SNX14: variants seen among roughly 807,000 people sequenced by gnomAD.
SNX14 encodes sorting nexin 14, also known as sorting nexin-14.
Under a neutral mutation model 133.8 loss-of-function variants are expected in SNX14, and 93 were observed. The observed-to-expected ratio is 0.70, with a 90% CI of 0.59 to 0.83. SNX14 has a LOEUF of 0.83. SNX14 is among the 40% of genes least tolerant of loss of function. The pLI is 0.00. For synonymous variants in SNX14, 368 were observed against 365.6 expected (o/e 1.01, Z -0.07); for missense variants, 945 against 1,094.9 (o/e 0.86, Z 1.93).
rs373405415 is a variant in SNX14, at chr6:85,515,897, A to G, written c.2269-1268T>C. On this transcript the variant is annotated intron_variant, in intron 23 of 28. Coordinates refer to ENST00000314673, the MANE Select transcript of SNX14 (RefSeq NM_153816.6). Reference sequence around the variant, plus strand: ...TTTTTAAGCAGAAATCTAAAATAAAAGTTGAAATAATAAAGAGATATACAG... The same window carrying G: ...TTTTTAAGCAGAAATCTAAAATAAAGGTTGAAATAATAAAGAGATATACAG... Among the ~76,000 whole-genome samples, 4 of 152,326 alleles carry G rather than the reference A, an allele frequency of 2.6e-5. No homozygotes were observed. In the South Asian group the frequency reaches 8.3e-4, roughly 32 times the overall value.
At chr6:85,585,328 T>A (rs1278217935) in intron 1 of SNX14, among the ~76,000 whole-genome samples, 1 of 151,960 alleles carries the variant, frequency 6.6e-6, no homozygotes, top group African/African-American at 2.4e-5. Context: ...GGCACATGTA[T>A]ACCTATGTAA....
At chr6:85,567,684 C>T in intron 4 of SNX14, 107 bp from the exon 5 acceptor site, 1 of 678,328 alleles carries the variant, frequency 1.5e-6, no homozygotes, top group Non-Finnish European at 2.3e-6. Flanking sequence ...ATTTTATTAT[C>T]ACAAATAGTG....
In SNX14 at chr6:85,547,523, A is replaced by C. The variant is rs1348756737; in HGVS notation, c.895T>G (p.Phe299Val). The C allele has an allele frequency of 6.2e-7, 1 of 1,603,242 alleles. No homozygotes were observed. The highest frequency in any genetic ancestry group is 8.5e-7 in the Non-Finnish European group (1 of 1,176,720). The change falls in exon 10 of 29, where the codon TTC (phenylalanine) becomes GTC (valine). Residue 299 changes from phenylalanine to valine, a missense_variant. By Grantham distance (50) the Phe-to-Val change is conservative. Around this residue, in one of 3 missense-constraint regions of SNX14, gnomAD observed 514 missense variants for 538.8 expected, o/e 0.95. Transcript: ENST00000314673. ...ATACTCACTGGACTGTCATCTATGA[A>C]GATGATAAGCAAATGATTCACAGTA... ...PDTVNHLLII[F>V]IDDSPPEKAT...
chr6:85,528,811 C>A (rs533787798), intron 19 of SNX14, among the ~76,000 whole-genome samples: 1 of 152,078 alleles, frequency 6.6e-6, no homozygotes, highest in Non-Finnish European at 1.5e-5. Context: ...AAGCCCAGCA[C>A]TTTGAGAGGC....
rs762438130 is a variant in SNX14, at chr6:85,593,653, G to C, written c.66C>G (p.Arg22=). ...ACAGCGGGTACTGGCGGCAGATCTCGCGTCCCACGTCCAGTCGCAGCCGCT... is the reference window on the plus strand; with the variant it reads ...ACAGCGGGTACTGGCGGCAGATCTCCCGTCCCACGTCCAGTCGCAGCCGCT... ...LKQRLRLDVG[R]EICRQYPLFC... The change falls in exon 1 of 29, where the codon CGC becomes CGG. Residue 22 remains arginine, a synonymous_variant. Transcript: ENST00000314673. 6.2e-7 allele frequency: 1 copy of C among 1,612,844 alleles called. No homozygotes were observed. The highest frequency in any genetic ancestry group is 8.5e-7 in the Non-Finnish European group (1 of 1,179,886).
intron 14 of SNX14, among the ~76,000 whole-genome samples, chr6:85,542,292 T>C (rs1261559518): frequency 6.6e-5 from 10 of 152,256 alleles, no homozygotes; most frequent in African/African-American, 1.2e-4. Context: ...CTCAGGCATA[T>C]GGCAAACCAG....
intron 5 of SNX14, among the ~76,000 whole-genome samples, chr6:85,566,951 T>C (rs2128173609): frequency 6.6e-6 from 1 of 152,210 alleles, no homozygotes; most frequent in East Asian, 1.9e-4. Flanking sequence ...CCCTTGCACG[T>C]ACATGGCATA....
intron 6 of SNX14, among the ~76,000 whole-genome samples, chr6:85,562,582 C>CTT (rs201175458): frequency 0.041 from 3,935 of 94,890 alleles, 142 homozygotes; most frequent in African/African-American, 0.055. Context: ...ACTTTTTGGG[C>CTT]TTTTTTTTTT....
chr6:85,516,022 G>A (rs1179611216), intron 23 of SNX14, among the ~76,000 whole-genome samples: 4 of 152,120 alleles, frequency 2.6e-5, no homozygotes, highest in Non-Finnish European at 4.4e-5. Flanking sequence ...ACCTAATAGT[G>A]TTACTATTAA....
intron 6 of SNX14, among the ~76,000 whole-genome samples, chr6:85,563,964 C>T (rs1000929644): frequency 6.6e-6 from 1 of 152,014 alleles, no homozygotes; most frequent in South Asian, 2.1e-4. Flanking sequence ...ATGTTCCCCA[C>T]CCTGTGTCCA....
intron 14 of SNX14, among the ~76,000 whole-genome samples, 156 bp from the exon 15 acceptor site, chr6:85,542,199 T>C (rs564756792): frequency 4.6e-5 from 7 of 152,152 alleles, no homozygotes; most frequent in East Asian, 1.9e-4. Flanking sequence ...GATGAAAATA[T>C]TGCAAATGCA....
At chr6:85,552,438 G>A (rs982540890) in intron 7 of SNX14, among the ~76,000 whole-genome samples, 1 of 152,126 alleles carries the variant, frequency 6.6e-6, no homozygotes, top group East Asian at 1.9e-4. Context: ...GTACTGAGAT[G>A]GAGCAGCAAT....
chr6:85,511,986 T>TA (rs1443272947), intron 26 of SNX14, among the ~76,000 whole-genome samples: 1 of 152,190 alleles, frequency 6.6e-6, no homozygotes, highest in Non-Finnish European at 1.5e-5. Flanking sequence ...CTCAATCTTT[T>TA]AGTGAGCTTG....
At chr6:85,585,205 G>A (rs1800350690) in intron 1 of SNX14, among the ~76,000 whole-genome samples, 1 of 152,074 alleles carries the variant, frequency 6.6e-6, no homozygotes, top group Non-Finnish European at 1.5e-5. Context: ...TAGACACAGG[G>A]GAGGGGAATA....
chr6:85,583,341 C>T lies in SNX14; in HGVS notation c.141-8963G>A, dbSNP rs374198958. On this transcript the variant is annotated intron_variant, in intron 1 of 28. Transcript: ENST00000314673. ...AAAGCATTCCCTTTGAAAACTGACA[C>T]AACACAAGGATCCCCTCTCTCACCA... Among the ~76,000 whole-genome samples, 20 of 152,186 alleles carry T rather than the reference C, an allele frequency of 1.3e-4. No homozygotes were observed. In the East Asian group the frequency reaches 3.3e-3, roughly 25 times the overall value.
intron 12 of SNX14, among the ~76,000 whole-genome samples, chr6:85,546,042 G>A (rs1174467163): frequency 1.3e-5 from 2 of 152,120 alleles, no homozygotes; most frequent in African/African-American, 2.4e-5. Context: ...CCTGAGTGAA[G>A]GAAGCTAGGC....
chr6:85,513,586 G>C (rs1773712639), intron 26 of SNX14, among the ~76,000 whole-genome samples: 1 of 152,316 alleles, frequency 6.6e-6, no homozygotes, highest in Middle Eastern at 3.4e-3. Flanking sequence ...TATTATGTGA[G>C]TAGAAACAGC....
Position 85,547,519 on chromosome 6 carries a change from A to G in SNX14, c.899T>C (p.Ile300Thr). The G allele has an allele frequency of 6.2e-7, 1 of 1,603,022 alleles. No homozygotes were observed. Among genetic ancestry groups the G allele is most frequent in the Non-Finnish European group, 8.5e-7 (1 of 1,176,622 alleles). ...TTCAATACTCACTGGACTGTCATCT[A>G]TGAAGATGATAAGCAAATGATTCAC... ...DTVNHLLIIF[I>T]DDSPPEKATE... Residue 300 changes from isoleucine to threonine, a missense_variant, in exon 10 of 29, where the codon ATA becomes ACA. Ile to Thr is a moderately conservative substitution (Grantham distance 89). Transcript: ENST00000314673.
intron 26 of SNX14, among the ~76,000 whole-genome samples, chr6:85,511,294 T>C (rs1772731359): frequency 6.6e-6 from 1 of 152,238 alleles, no homozygotes; most frequent in South Asian, 2.1e-4. Context: ...AAATTGCTTA[T>C]TATTTCCAGG....
Sources: gnomAD v4.1 joint callset for allele counts (sites outside exome capture counted in the v4.1 genomes callset) on GRCh38, gnomAD v4.1.1 for gene constraint, gnomAD v4.1.1 regional missense constraint, MANE v1.5 for transcripts, NCBI Gene and HGNC (gene_info 2026-07-23, HGNC 2026-07-21) for gene names.